Variants in DIAPH3 observed in about 807,000 individuals in gnomAD.
DIAPH3 encodes the protein diaphanous related formin 3, also known as protein diaphanous homolog 3.
A neutral mutation model predicts 144.3 loss-of-function variants in DIAPH3; 117 were observed. The observed-to-expected ratio is 0.81, with a 90% CI of 0.70 to 0.95. The LOEUF (loss-of-function observed/expected upper bound fraction) is 0.95. Ranked by LOEUF, DIAPH3 falls within the 40% of genes least tolerant of loss-of-function variation. The pLI, the probability that DIAPH3 is intolerant of heterozygous loss-of-function variation, is 0.00. For synonymous variants in DIAPH3, 519 were observed against 488.9 expected (o/e 1.06, Z -0.81); for missense variants, 1,421 against 1,412.7 (o/e 1.01, Z -0.09).
intron 4 of DIAPH3, among the ~76,000 whole-genome samples, chr13:60,062,771 T>C (rs1398439091): frequency 1.3e-5 from 2 of 152,208 alleles, no homozygotes; most frequent in African/African-American, 4.8e-5. Flanking sequence ...TACACTATAT[T>C]GCAGTCTATC....
intron 27 of DIAPH3, among the ~76,000 whole-genome samples, chr13:59,765,616 C>T (rs1593792585): frequency 6.6e-6 from 1 of 152,200 alleles, no homozygotes; most frequent in African/African-American, 2.4e-5. Context: ...TCAAACTGCT[C>T]TGCCAGACCA....
chr13:60,010,426 T>C (rs2053163616), intron 8 of DIAPH3, 107 bp downstream of exon 8: 2 of 1,212,220 alleles, frequency 1.6e-6, no homozygotes, highest in African/African-American at 1.5e-5. Context: ...CCTCAACATT[T>C]ATTTAAATTC....
intron 27 of DIAPH3, among the ~76,000 whole-genome samples, chr13:59,720,649 T>A (rs1484367331): frequency 1.3e-5 from 2 of 152,056 alleles, no homozygotes; most frequent in Non-Finnish European, 2.9e-5. Flanking sequence ...GTAAAATATA[T>A]CCCCATTCCA....
chr13:59,923,194 C>A (rs1371109581), intron 18 of DIAPH3, among the ~76,000 whole-genome samples: 4 of 152,040 alleles, frequency 2.6e-5, no homozygotes, highest in African/African-American at 9.7e-5. Flanking sequence ...CACAGCTGAC[C>A]CATTCAGAAA....
chr13:59,674,673 C>T (rs893000814), intron 27 of DIAPH3, among the ~76,000 whole-genome samples: 59 of 152,156 alleles, frequency 3.9e-4, no homozygotes, highest in African/African-American at 1.3e-3. Flanking sequence ...GCTCCAATAC[C>T]GTATCCACCA....
intron 4 of DIAPH3, among the ~76,000 whole-genome samples, chr13:60,090,691 T>C (rs1281571331): frequency 1.3e-5 from 2 of 152,204 alleles, no homozygotes; most frequent in Non-Finnish European, 2.9e-5. Context: ...ACAAAGTCTG[T>C]ACCCTAGAGT....
intron 20 of DIAPH3, among the ~76,000 whole-genome samples, chr13:59,883,350 A>C (rs2045213027): frequency 6.6e-6 from 1 of 152,124 alleles, no homozygotes; most frequent in African/African-American, 2.4e-5. Context: ...ACTTCTCTTT[A>C]TACATTTTCT....
intron 27 of DIAPH3, among the ~76,000 whole-genome samples, chr13:59,684,727 G>A (rs1215950361): frequency 4.6e-5 from 7 of 152,156 alleles, no homozygotes; most frequent in Non-Finnish European, 8.8e-5. Flanking sequence ...TTAAAACAGA[G>A]TCATAGAAGC....
rs915956860 is a variant in DIAPH3, at chr13:59,758,953, A to ATT, written c.3319+15234_3319+15235dup. ...CACCACCAGAACTGGCTAATTTTGAATTTTTTTTTTTTTTTTTTTGTAGAA... is the reference window on the plus strand; with the variant it reads ...CACCACCAGAACTGGCTAATTTTGAATTTTTTTTTTTTTTTTTTTTTGTAGAA... On this transcript the variant is annotated intron_variant, in intron 27 of 27. Coordinates refer to ENST00000400324, the MANE Select transcript of DIAPH3 (RefSeq NM_001042517.2). 8.8e-3 allele frequency among the ~76,000 whole-genome samples: 1,146 copies of ATT among 130,116 alleles called. 22 individuals are homozygous for ATT. The highest frequency in any genetic ancestry group is 0.03 in the African/African-American group (1,039 of 35,010). The allele number at this position is 130,116 out of a possible 152,430, so 85.4% of individuals were successfully genotyped here. A position where few individuals can be genotyped will look rare whatever the true frequency, so the allele number is the denominator to read the frequency against.
At chr13:59,961,524 C>G (rs929096962) in intron 17 of DIAPH3, among the ~76,000 whole-genome samples, 2 of 152,118 alleles carry the variant, frequency 1.3e-5, no homozygotes, top group African/African-American at 4.8e-5. Context: ...TAAAAAATGG[C>G]AAGTTTTTAA....
chr13:59,980,762 C>T (rs2050951258), intron 14 of DIAPH3, 33 bp downstream of exon 14: 1 of 1,578,238 alleles, frequency 6.3e-7, no homozygotes, highest in African/African-American at 1.4e-5. Flanking sequence ...TGGTTCCCCA[C>T]AGAATACTAT....
At chr13:60,104,025 G>A (rs903052372) in intron 3 of DIAPH3, among the ~76,000 whole-genome samples, 1 of 151,694 alleles carries the variant, frequency 6.6e-6, no homozygotes, top group African/African-American at 2.4e-5. Context: ...TGTTGAACAG[G>A]GCAGACTAAA....
intron 22 of DIAPH3, among the ~76,000 whole-genome samples, chr13:59,845,232 C>A (rs1048366566): frequency 2.0e-5 from 3 of 151,766 alleles, no homozygotes; most frequent in Non-Finnish European, 4.4e-5. Flanking sequence ...TTAGTAGAGA[C>A]GGGGTTTCAC....
chr13:59,858,962 C>CA (rs2043413402), intron 22 of DIAPH3, among the ~76,000 whole-genome samples: 1 of 151,938 alleles, frequency 6.6e-6, no homozygotes, highest in South Asian at 2.1e-4. Flanking sequence ...TGTTATGCCT[C>CA]AAAAACAAAG....
At chr13:60,102,066 A>G (rs2058284325) in intron 3 of DIAPH3, among the ~76,000 whole-genome samples, 1 of 152,176 alleles carries the variant, frequency 6.6e-6, no homozygotes, top group Non-Finnish European at 1.5e-5. Context: ...AAAGAAAGCT[A>G]TAATTCCATT....
chr13:59,883,043 T>C (rs977940723), intron 20 of DIAPH3, among the ~76,000 whole-genome samples: 1 of 152,160 alleles, frequency 6.6e-6, no homozygotes, highest in African/African-American at 2.4e-5. Context: ...GTTGGCAATA[T>C]ATGTTGTTAG....
chr13:59,788,907 C>T (rs1164677665), intron 25 of DIAPH3, among the ~76,000 whole-genome samples: 3 of 152,168 alleles, frequency 2.0e-5, no homozygotes, highest in Admixed American at 2.0e-4. Context: ...AATCATTTTT[C>T]CAGTGGTAAA....
intron 4 of DIAPH3, among the ~76,000 whole-genome samples, chr13:60,053,725 T>C (rs766377471): frequency 2.6e-5 from 4 of 152,118 alleles, no homozygotes; most frequent in Non-Finnish European, 4.4e-5. Flanking sequence ...TTGTTTGCTT[T>C]ATTCAATGTA....
chr13:60,110,750 A>T (rs967058934), intron 3 of DIAPH3, among the ~76,000 whole-genome samples: 1 of 152,252 alleles, frequency 6.6e-6, no homozygotes, highest in Non-Finnish European at 1.5e-5. Flanking sequence ...ATCTAATGCC[A>T]ATAGGTAGAC....
Sources: gnomAD v4.1 joint callset for allele counts (sites outside exome capture counted in the v4.1 genomes callset) on GRCh38, gnomAD v4.1.1 for gene constraint, MANE v1.5 for transcripts, NCBI Gene and HGNC (gene_info 2026-07-23, HGNC 2026-07-21) for gene names.